TMPRSS11B: variants seen among roughly 807,000 people sequenced by gnomAD.
The protein encoded by TMPRSS11B is transmembrane serine protease 11B.
Under a neutral mutation model 44.7 loss-of-function variants are expected in TMPRSS11B, and 53 were observed. That is an observed-to-expected ratio of 1.19 (90% CI 0.95 to 1.49). The LOEUF (loss-of-function observed/expected upper bound fraction) is 1.49. Ranked by LOEUF, TMPRSS11B falls within the 40% of genes most tolerant of loss-of-function variation. The probability of loss-of-function intolerance (pLI) is 0.00; values close to 1 mark genes in which losing one functional copy is unlikely to be tolerated. For missense variants in TMPRSS11B, 526 were observed against 494.8 expected (o/e 1.06, Z -0.60); for synonymous variants, 140 against 159.2 (o/e 0.88, Z 0.91).
intron 2 of TMPRSS11B, among the ~76,000 whole-genome samples, chr4:68,240,397 C>G (rs1303705885): frequency 6.6e-6 from 1 of 152,168 alleles, no homozygotes; most frequent in Non-Finnish European, 1.5e-5. Context: ...CTGTAGCCTT[C>G]TATCTGAAAT....
intron 1 of TMPRSS11B, among the ~76,000 whole-genome samples, chr4:68,242,805 G>A (rs1212477414): frequency 1.3e-5 from 2 of 151,986 alleles, no homozygotes; most frequent in Non-Finnish European, 2.9e-5. Context: ...GAGCTCAAGC[G>A]ATCTGCCCAT....
At chr4:68,234,187 A>G (rs574390748) in intron 5 of TMPRSS11B, among the ~76,000 whole-genome samples, 1 of 152,084 alleles carries the variant, frequency 6.6e-6, no homozygotes, top group East Asian at 1.9e-4. Context: ...AGATAATTCA[A>G]TTAGAACCCT....
intron 5 of TMPRSS11B, 103 bp from the exon 6 acceptor site, chr4:68,232,519 T>C (rs1719545431): frequency 2.9e-6 from 3 of 1,032,770 alleles, no homozygotes; most frequent in Non-Finnish European, 2.9e-6. Context: ...CCCAATATTG[T>C]CCAACATTTA....
intron 2 of TMPRSS11B, among the ~76,000 whole-genome samples, chr4:68,239,889 G>T (rs1719777984): frequency 6.6e-6 from 1 of 152,166 alleles, no homozygotes; most frequent in South Asian, 2.1e-4. Context: ...AGAAGCTAGG[G>T]TTTGGAACTA....
chr4:68,236,114 T>C, intron 3 of TMPRSS11B, 37 bp downstream of exon 3: 2 of 1,564,068 alleles, frequency 1.3e-6, no homozygotes, highest in Non-Finnish European at 1.7e-6. Flanking sequence ...TTCAATCAAA[T>C]TTATAATAAA....
chr4:68,231,491 A>G, intron 6 of TMPRSS11B, 111 bp from the exon 7 acceptor site: 1 of 1,006,636 alleles, frequency 9.9e-7, no homozygotes, highest in Admixed American at 2.8e-5. Context: ...AACTTCTCCT[A>G]ATTGATGACG....
chr4:68,236,303 A>G (rs1719665768), intron 2 of TMPRSS11B, 37 bp from the exon 3 acceptor site: 1 of 1,352,278 alleles, frequency 7.4e-7, no homozygotes, highest in Admixed American at 2.1e-5. Flanking sequence ...AAAGAATTTT[A>G]AAGTGGAAAG....
At chr4:68,240,661 G>C (rs879622614) in intron 2 of TMPRSS11B, among the ~76,000 whole-genome samples, 1 of 152,158 alleles carries the variant, frequency 6.6e-6, no homozygotes, top group Non-Finnish European at 1.5e-5. Flanking sequence ...TTAATGAGTA[G>C]AGGGAAAGAG....
intron 1 of TMPRSS11B, among the ~76,000 whole-genome samples, chr4:68,243,220 C>A (rs1000045419): frequency 2.6e-5 from 4 of 152,158 alleles, no homozygotes; most frequent in African/African-American, 9.7e-5. Flanking sequence ...ATAAACCTTG[C>A]AAAACAGAAG....
In TMPRSS11B at chr4:68,229,438, G is replaced by A. The variant is rs770935874; in HGVS notation, c.765C>T (p.Asn255=). ...NKPYMTRKVQ[N]IIFHENYSSP... The stretch of plus-strand genomic sequence containing the variant: ...TGCTATAATTTTCATGAAAAATAAT[G>A]TTTTGGACTTTCCGTGTCATATATG... The change falls in exon 8 of 10, where the codon AAC becomes AAT. Residue 255 remains asparagine (N), a synonymous_variant. Transcript: ENST00000332644. 8.7e-6 allele frequency: 14 copies of A among 1,613,770 alleles called. No individual in the cohort carries two copies. Among genetic ancestry groups the A allele is most frequent in the Middle Eastern group, 1.6e-4 (1 of 6,076 alleles).
chr4:68,228,798 C>A lies in TMPRSS11B; in HGVS notation c.1033G>T (p.Val345Leu), dbSNP rs369616775. 1 of 1,613,694 alleles carries A rather than the reference C, an allele frequency of 6.2e-7. No homozygotes were observed. The highest frequency in any genetic ancestry group is 1.7e-5 in the Admixed American group (1 of 59,968). The change falls in exon 9 of 10, where the codon GTG (valine) becomes TTG (leucine). Residue 345 changes from valine (V) to leucine (L), a missense_variant. By Grantham distance (32) the Val-to-Leu change is conservative. Coordinates refer to ENST00000332644, the MANE Select transcript of TMPRSS11B (RefSeq NM_182502.3). ...CCAGCACATAACATTGTATCAGTCA[C>A]AAAGCCAGAGTATGCATATGAGGCA... ...CNASYAYSGF[V>L]TDTMLCAGFM...
At chr4:68,242,511 AT>A (rs1454942684) in intron 1 of TMPRSS11B, among the ~76,000 whole-genome samples, 3 of 143,480 alleles carry the variant, frequency 2.1e-5, no homozygotes, top group African/African-American at 7.8e-5. Flanking sequence ...AAAATTATAG[AT>A]TTTTTGTTTA....
chr4:68,233,228 G>A (rs1166872097), intron 5 of TMPRSS11B, among the ~76,000 whole-genome samples: 1 of 151,940 alleles, frequency 6.6e-6, no homozygotes, highest in African/African-American at 2.4e-5. Context: ...CCCTTGAAAA[G>A]TTCTACCTCA....
rs1719511632 is a variant in TMPRSS11B, at chr4:68,231,394, T to G, written c.509-14A>C. ...GTCTCCCACAACCTAGAGAAAGGAT[T>G]TATTTACACGAGAGCAGGTATCTTT... On this transcript the variant is annotated splice_polypyrimidine_tract_variant and intron_variant, in intron 6 of 9. Coordinates refer to ENST00000332644, the MANE Select transcript of TMPRSS11B (RefSeq NM_182502.3). 1 of 1,602,272 alleles carries G rather than the reference T, an allele frequency of 6.2e-7. No homozygotes were observed. Among genetic ancestry groups the G allele is most frequent in the Admixed American group, 1.7e-5 (1 of 57,788 alleles).
chr4:68,243,637 C>T (rs1300860032), intron 1 of TMPRSS11B, among the ~76,000 whole-genome samples: 2 of 151,996 alleles, frequency 1.3e-5, no homozygotes, highest in African/African-American at 4.8e-5. Flanking sequence ...GTATTTATAA[C>T]TTTATTAATA....
intron 2 of TMPRSS11B, 61 bp downstream of exon 2, chr4:68,241,628 T>C (rs1412932444): frequency 3.8e-6 from 4 of 1,063,308 alleles, no homozygotes; most frequent in Non-Finnish European, 5.5e-6. Flanking sequence ...TTGTTTTTTT[T>C]CAATTTTTAA....
At position 68,231,379 on chromosome 4, in the gene TMPRSS11B, A is replaced by G. The variant is rs772260907; in HGVS notation, c.510T>C (p.Cys170=). 1 of 1,609,058 alleles carries G rather than the reference A, an allele frequency of 6.2e-7. No individual in the cohort carries two copies. The highest frequency in any genetic ancestry group is 8.5e-7 in the Non-Finnish European group (1 of 1,177,806). Residue 170 remains cysteine, a splice_region_variant and synonymous_variant, in exon 7 of 10, where the codon TGT becomes TGC. Coordinates refer to ENST00000332644, the MANE Select transcript of TMPRSS11B (RefSeq NM_182502.3). ...TACTGTTGGCTACTTGTCTCCCACAACCTAGAGAAAGGATTTATTTACACG... is the reference window on the plus strand; with the variant it reads ...TACTGTTGGCTACTTGTCTCCCACAGCCTAGAGAAAGGATTTATTTACACG... ...KAASEMLTNN[C]CGRQVANSII... is the part of the protein sequence containing the mutation.
intron 2 of TMPRSS11B, among the ~76,000 whole-genome samples, chr4:68,239,046 A>G (rs1719749176): frequency 6.6e-6 from 1 of 152,178 alleles, no homozygotes; most frequent in African/African-American, 2.4e-5. Context: ...GTACCATTTT[A>G]AAATTAATTT....
chr4:68,234,241 A>G (rs1053941188), intron 5 of TMPRSS11B, among the ~76,000 whole-genome samples: 4 of 151,898 alleles, frequency 2.6e-5, no homozygotes, highest in Non-Finnish European at 5.9e-5. Context: ...TTCCAAACTT[A>G]CATCCATGCT....
Sources: gnomAD v4.1 joint callset for allele counts (sites outside exome capture counted in the v4.1 genomes callset) on GRCh38, gnomAD v4.1.1 for gene constraint, MANE v1.5 for transcripts, NCBI Gene and HGNC (gene_info 2026-07-23, HGNC 2026-07-21) for gene names.